The following SCAI variants were observed in gnomAD, a reference collection of about 807,000 sequenced individuals.
SCAI encodes suppressor of cancer cell invasion.
SCAI carries 24 observed loss-of-function variants against 92.2 expected under a neutral mutation model. The observed-to-expected ratio is 0.26, with a 90% CI of 0.19 to 0.37. SCAI has a LOEUF of 0.37. Ranked by LOEUF, SCAI falls within the 10% of genes least tolerant of loss-of-function variation. The pLI is 1.00. For synonymous variants in SCAI, 261 were observed against 258.6 expected, an observed-to-expected ratio of 1.01 and a Z score of -0.09; for missense variants, 450 against 736.2, an observed-to-expected ratio of 0.61 and a Z score of 4.50.
intron 2 of SCAI, among the ~76,000 whole-genome samples, chr9:125,102,133 G>T (rs1834692072): frequency 6.6e-6 from 1 of 152,274 alleles, no homozygotes; most frequent in Non-Finnish European, 1.5e-5. Flanking sequence ...CCCCACGTCG[G>T]TGACAAACAT....
rs1390723571 is a variant in SCAI at position 124,947,578 on chromosome 9, A to G, written c.*5229T>C. On this transcript the variant is annotated 3_prime_UTR_variant, in exon 18 of 18. Coordinates refer to ENST00000336505, the MANE Select transcript of SCAI (RefSeq NM_001144877.3). ...AGAACTTAAATAAATTCAGCCCACA[A>G]TGGGTATGGGTACATAATATACACA... The G allele has an allele frequency of 6.6e-6, 1 of 152,162 alleles. No individual in the cohort carries two copies. The highest frequency in any genetic ancestry group is 2.4e-5 in the African/African-American group (1 of 41,438). The allele number at this position is 152,162 out of a possible 1,614,324, so 9.4% of individuals were successfully genotyped here. A position where few individuals can be genotyped will look rare whatever the true frequency, so the allele number is the denominator to read the frequency against.
intron 2 of SCAI, among the ~76,000 whole-genome samples, chr9:125,131,588 A>G (rs972650193): frequency 2.0e-5 from 3 of 152,074 alleles, no homozygotes; most frequent in African/African-American, 7.2e-5. Flanking sequence ...ATCACTGCTT[A>G]ACTCTTCTAG....
At chr9:125,093,508 A>G (rs1179366589) in intron 2 of SCAI, among the ~76,000 whole-genome samples, 4 of 151,388 alleles carry the variant, frequency 2.6e-5, no homozygotes, top group South Asian at 2.1e-4. Flanking sequence ...CACTCATTCC[A>G]TAGGTGACAG....
intron 12 of SCAI, among the ~76,000 whole-genome samples, chr9:125,001,272 T>C (rs771784199): frequency 1.3e-5 from 2 of 152,198 alleles, no homozygotes; most frequent in Non-Finnish European, 2.9e-5. Flanking sequence ...AACAAACAAA[T>C]GAAGAGGAAA....
At chr9:124,968,349 G>T (rs1248465966) in intron 17 of SCAI, 7 of 1,198,932 alleles carry the variant, frequency 5.8e-6, no homozygotes, top group Non-Finnish European at 8.7e-6. Context: ...GGTTTTTAAG[G>T]CTTTAGTGAG....
intron 9 of SCAI, among the ~76,000 whole-genome samples, chr9:125,016,858 A>T (rs1223021735): frequency 6.6e-6 from 1 of 152,218 alleles, no homozygotes; most frequent in Non-Finnish European, 1.5e-5. Flanking sequence ...AAAAATTATA[A>T]ATTAGACTAC....
chr9:125,082,442 C>G (rs1415059693), intron 2 of SCAI, among the ~76,000 whole-genome samples: 1 of 152,188 alleles, frequency 6.6e-6, no homozygotes, highest in East Asian at 1.9e-4. Context: ...GGGTTGGAAT[C>G]CCCACACAGA....
intron 2 of SCAI, among the ~76,000 whole-genome samples, chr9:125,111,948 T>A (rs144086371): frequency 8.5e-4 from 127 of 150,290 alleles, no homozygotes; most frequent in African/African-American, 2.9e-3. Context: ...CTAGGGAGAG[T>A]TTCTCTCAAG....
At chr9:124,961,875 G>GTT (rs1365986315) in intron 17 of SCAI, among the ~76,000 whole-genome samples, 57 of 132,494 alleles carry the variant, frequency 4.3e-4, no homozygotes, top group South Asian at 4.9e-4. Flanking sequence ...CTTTGTGGCA[G>GTT]TTTTTTTTTT....
At chr9:125,013,065 C>A (rs1832672490) in intron 9 of SCAI, among the ~76,000 whole-genome samples, 1 of 151,996 alleles carries the variant, frequency 6.6e-6, no homozygotes, top group African/African-American at 2.4e-5. Flanking sequence ...TAAATGCCCA[C>A]AAGAGAAAGC....
At chr9:125,016,034 G>A (rs1336974521) in intron 9 of SCAI, among the ~76,000 whole-genome samples, 3 of 103,842 alleles carry the variant, frequency 2.9e-5, no homozygotes, top group Admixed American at 2.7e-4. Flanking sequence ...CTGTTGTGGG[G>A]CGGGGGGAGG....
intron 14 of SCAI, among the ~76,000 whole-genome samples, chr9:124,989,568 T>C (rs1361115648): frequency 2.0e-5 from 3 of 150,958 alleles, no homozygotes; most frequent in Non-Finnish European, 2.9e-5. Context: ...GTGACAAGAG[T>C]GAGACTGCAT....
At position 124,949,472 on chromosome 9, in the gene SCAI, C is replaced by T. The variant is rs1831201020; in HGVS notation, c.*3335G>A. The T allele has an allele frequency of 6.6e-6, 1 of 152,174 alleles. No individual in the cohort carries two copies. Among genetic ancestry groups the T allele is most frequent in the Non-Finnish European group, 1.5e-5 (1 of 68,046 alleles). 9.4% of individuals were successfully genotyped at this position (152,174 alleles called of 1,614,324 possible). A position where few individuals can be genotyped will look rare whatever the true frequency, so the allele number is the denominator to read the frequency against. On this transcript the variant is annotated 3_prime_UTR_variant, in exon 18 of 18. Coordinates refer to ENST00000336505, the MANE Select transcript of SCAI (RefSeq NM_001144877.3). This position sits in a 1 kb window ranked among gnomAD's most constrained non-coding sequence, Gnocchi z 4.0. Reference sequence around the variant, plus strand: ...TACCCTGATCATCACTTTTTCTTTTCTTTTTTTCCAGAGACGAGGTCTTGC... The same window carrying T: ...TACCCTGATCATCACTTTTTCTTTTTTTTTTTTCCAGAGACGAGGTCTTGC...
intron 9 of SCAI, among the ~76,000 whole-genome samples, chr9:125,005,681 C>A (rs937159585): frequency 6.6e-6 from 1 of 152,148 alleles, no homozygotes; most frequent in African/African-American, 2.4e-5. Flanking sequence ...TAAGTGGGCA[C>A]TAATGCCTTG....
In SCAI at chr9:124,973,735, G is replaced by A. The variant is rs555198447; in HGVS notation, c.1400-1891C>T. ...CCAGCTTCTCGGGACGCTGAGGCAA[G>A]GAGAATCGCTTGAACTTGGGAGGCA... On this transcript the variant is annotated intron_variant, in intron 15 of 17. Coordinates refer to ENST00000336505, the MANE Select transcript of SCAI (RefSeq NM_001144877.3). 7.2e-5 allele frequency among the ~76,000 whole-genome samples: 11 copies of A among 152,312 alleles called. No homozygotes were observed. The East Asian group carries it at 1.2e-3, about 16-fold the overall frequency.
intron 2 of SCAI, among the ~76,000 whole-genome samples, chr9:125,087,786 T>C (rs948115565): frequency 1.3e-5 from 2 of 152,166 alleles, no homozygotes; most frequent in Admixed American, 6.5e-5. Context: ...GGTAATTTTA[T>C]GTGTGTGATA....
chr9:125,066,862 C>T (rs1833881830), intron 2 of SCAI, among the ~76,000 whole-genome samples: 1 of 152,096 alleles, frequency 6.6e-6, no homozygotes, highest in Non-Finnish European at 1.5e-5. Context: ...TATACAAGTA[C>T]TTAACATTGT....
chr9:124,968,837 T>C, intron 17 of SCAI: 1 of 645,970 alleles, frequency 1.5e-6, no homozygotes, highest in Non-Finnish European at 2.8e-6. Flanking sequence ...CCAATTCTGC[T>C]GGCCGCAGGG....
intron 14 of SCAI, among the ~76,000 whole-genome samples, chr9:124,989,452 G>A (rs1295676286): frequency 6.6e-6 from 1 of 151,344 alleles, no homozygotes; most frequent in Non-Finnish European, 1.5e-5. Context: ...GTGGTGGTGT[G>A]CGCCTGTAAT....
Sources: allele counts gnomAD v4.1 joint callset (sites outside exome capture counted in the v4.1 genomes callset), GRCh38; gene constraint gnomAD v4.1.1; non-coding constraint Gnocchi (gnomAD v3.1); transcripts MANE v1.5; gene names NCBI Gene and HGNC (gene_info 2026-07-23, HGNC 2026-07-21).